Variants in HDAC9 observed in about 807,000 individuals in gnomAD.
HDAC9 encodes the protein histone deacetylase 9.
In HDAC9, 41 loss-of-function variants were observed where a neutral mutation model predicts 139.4. The ratio of observed to expected loss-of-function variants is 0.29; its 90% CI spans 0.23 to 0.38. HDAC9 has a LOEUF of 0.38. Among genes scored for constraint, HDAC9 ranks in the 10% least tolerant of loss-of-function variants. The pLI is 1.00. For missense variants in HDAC9, 1,147 were observed against 1,297.0 expected (o/e 0.88, Z 1.78); for synonymous variants, 517 against 476.2 (o/e 1.09, Z -1.12).
At chr7:18,119,115 G>A (rs189854493) in intron 1 of HDAC9, among the ~76,000 whole-genome samples, 1 of 152,244 alleles carries the variant, frequency 6.6e-6, no homozygotes, top group Admixed American at 6.5e-5. Flanking sequence ...TTTTCTCTGA[G>A]TCAAGAACAT....
At chr7:18,859,840 A>ATGTGTGTGTGTGTG (rs1562997039) in intron 21 of HDAC9, among the ~76,000 whole-genome samples, 1 of 130,156 alleles carries the variant, frequency 7.7e-6, no homozygotes, top group African/African-American at 2.8e-5. Context: ...ATATATATAT[A>ATGTGTGTGTGTGTG]TATATATATA....
chr7:18,299,661 G>C (rs907153718), intron 1 of HDAC9, among the ~76,000 whole-genome samples: 1 of 152,168 alleles, frequency 6.6e-6, no homozygotes. Flanking sequence ...GAAATGCATG[G>C]CTTGATGCCA....
chr7:18,122,662 A>G (rs935746285), intron 1 of HDAC9, among the ~76,000 whole-genome samples: 7 of 152,172 alleles, frequency 4.6e-5, no homozygotes, highest in African/African-American at 1.7e-4. Flanking sequence ...TGTGTCCCCC[A>G]GGCTGGAATG....
chr7:18,387,810 G>T (rs1256183530), intron 1 of HDAC9, among the ~76,000 whole-genome samples: 1 of 152,052 alleles, frequency 6.6e-6, no homozygotes, highest in Non-Finnish European at 1.5e-5. Flanking sequence ...GTGTGATGTG[G>T]TTATAGTCTT....
intron 17 of HDAC9, among the ~76,000 whole-genome samples, chr7:18,820,935 C>T (rs893474968): frequency 5.9e-5 from 9 of 152,030 alleles, no homozygotes; most frequent in Admixed American, 3.9e-4. Flanking sequence ...AACAAAATAC[C>T]ACAGATGCAG....
intron 1 of HDAC9, among the ~76,000 whole-genome samples, chr7:18,484,319 A>G (rs996517902): frequency 6.6e-6 from 1 of 151,800 alleles, no homozygotes; most frequent in African/African-American, 2.4e-5. Context: ...TGGGTGACAG[A>G]GCAAGATCCT....
chr7:18,495,416 T>G (rs1263691834), upstream of HDAC9, among the ~76,000 whole-genome samples: 1 of 152,106 alleles, frequency 6.6e-6, no homozygotes, highest in Non-Finnish European at 1.5e-5. Context: ...ATTCTTAATT[T>G]TTTTTCTTGC....
intron 2 of HDAC9, among the ~76,000 whole-genome samples, chr7:18,573,745 C>T (rs138730529): frequency 1.1e-4 from 16 of 152,306 alleles, no homozygotes; most frequent in Admixed American, 2.0e-4. Flanking sequence ...ATGTACTGCA[C>T]GCGGCTTCTG....
intron 24 of HDAC9, among the ~76,000 whole-genome samples, chr7:18,965,560 T>C (rs1025503977): frequency 6.6e-6 from 1 of 152,214 alleles, no homozygotes; most frequent in African/African-American, 2.4e-5. Flanking sequence ...AGAGGAATAG[T>C]GAAGTGTGAC....
intron 22 of HDAC9, among the ~76,000 whole-genome samples, chr7:18,874,872 T>G (rs887124050): frequency 1.3e-5 from 2 of 152,190 alleles, no homozygotes; most frequent in Admixed American, 6.5e-5. Context: ...AAGGCAGAAA[T>G]GATAGGGCTT....
chr7:18,114,936 A>G (rs1418667854), intron 1 of HDAC9, among the ~76,000 whole-genome samples: 1 of 152,192 alleles, frequency 6.6e-6, no homozygotes, highest in Non-Finnish European at 1.5e-5. Flanking sequence ...TAAGGCAACC[A>G]TTTGTTCATA....
chr7:18,954,412 G>A (rs952327181), intron 24 of HDAC9, 182 bp downstream of exon 24: 17 of 504,930 alleles, frequency 3.4e-5, no homozygotes, highest in Non-Finnish European at 4.4e-5. Flanking sequence ...ATGACAAAAC[G>A]TAGAGACTCT....
chr7:18,208,270 C>G (rs1791683443), intron 2 of HDAC9, among the ~76,000 whole-genome samples: 1 of 152,084 alleles, frequency 6.6e-6, no homozygotes, highest in East Asian at 1.9e-4. Context: ...CCACTTCTCC[C>G]TTAACATCAC....
At chr7:18,967,069 G>T (rs1783907760) in intron 24 of HDAC9, among the ~76,000 whole-genome samples, 1 of 152,166 alleles carries the variant, frequency 6.6e-6, no homozygotes, top group South Asian at 2.1e-4. Context: ...TCATCAGGGG[G>T]ACAGAGTAAA....
intron 1 of HDAC9, among the ~76,000 whole-genome samples, chr7:18,407,462 G>GAGCCTAA (rs1218503062): frequency 6.6e-6 from 1 of 152,030 alleles, no homozygotes; most frequent in Non-Finnish European, 1.5e-5. Context: ...GGCAAACAAA[G>GAGCCTAA]AGCCTAAAAA....
intron 1 of HDAC9, among the ~76,000 whole-genome samples, chr7:18,319,305 T>C (rs1256483872): frequency 6.6e-6 from 1 of 152,206 alleles, no homozygotes; most frequent in Non-Finnish European, 1.5e-5. Context: ...ATCTCCTTCT[T>C]TTTGTGTTTA....
intron 5 of HDAC9, among the ~76,000 whole-genome samples, chr7:18,592,695 T>G (rs953279033): frequency 6.6e-6 from 1 of 152,126 alleles, no homozygotes; most frequent in African/African-American, 2.4e-5. Flanking sequence ...GATACCATAA[T>G]GTTTTATAAA....
intron 2 of HDAC9, among the ~76,000 whole-genome samples, chr7:18,198,846 C>T (rs1208184633): frequency 6.6e-6 from 1 of 152,120 alleles, no homozygotes. Context: ...AGGCATTAGA[C>T]TACTAGCACT....
chr7:18,695,641 C>T (rs540301534), intron 12 of HDAC9, among the ~76,000 whole-genome samples: 4 of 152,226 alleles, frequency 2.6e-5, no homozygotes, highest in East Asian at 1.9e-4. Flanking sequence ...ACCTTGATGT[C>T]AGGTTTGTGT....
Sources: allele counts gnomAD v4.1 joint callset (sites outside exome capture counted in the v4.1 genomes callset), GRCh38; gene constraint gnomAD v4.1.1; transcripts MANE v1.5; gene names NCBI Gene and HGNC (gene_info 2026-07-23, HGNC 2026-07-21).